The following PTPRO variants were observed in gnomAD, a reference collection of about 807,000 sequenced individuals.
PTPRO encodes the protein receptor-type tyrosine-protein phosphatase O.
PTPRO carries 62 observed loss-of-function variants against 145.2 expected under a neutral mutation model. The observed-to-expected ratio is 0.43, with a 90% CI of 0.35 to 0.53. The LOEUF is 0.53. Among genes scored for constraint, PTPRO ranks in the 20% least tolerant of loss-of-function variants. The pLI, the probability that PTPRO is intolerant of heterozygous loss-of-function variation, is 0.01. For missense variants in PTPRO, 1,345 were observed against 1,482.7 expected (o/e 0.91, Z 1.53); for synonymous variants, 565 against 514.7 (o/e 1.10, Z -1.32).
In PTPRO at chr12:15,410,243, A is replaced by T. The variant is rs148396883; in HGVS notation, c.76-73731A>T. ...TTTTATATGTCAACTTGACTTGGCC[A>T]TGGATGCTCAGATACCTGATTAAAT... On this transcript the variant is annotated intron_variant, in intron 1 of 26. Coordinates refer to ENST00000281171, the MANE Select transcript of PTPRO (RefSeq NM_030667.3). 23 of 152,346 alleles carry T rather than the reference A, an allele frequency of 1.5e-4. No homozygotes were observed. In the East Asian group the frequency reaches 1.9e-3, roughly 13 times the overall value. 9.4% of individuals were successfully genotyped at this position (152,346 alleles called of 1,614,324 possible). A position where few individuals can be genotyped will look rare whatever the true frequency, so the allele number is the denominator to read the frequency against.
At chr12:15,363,743 A>G (rs940224689) in intron 1 of PTPRO, among the ~76,000 whole-genome samples, 1 of 152,164 alleles carries the variant, frequency 6.6e-6, no homozygotes, top group Non-Finnish European at 1.5e-5. Context: ...ATACAACATA[A>G]TATGAATTCG....
At chr12:15,418,136 A>G (rs190593320) in intron 1 of PTPRO, among the ~76,000 whole-genome samples, 377 of 151,886 alleles carry the variant, frequency 2.5e-3, no homozygotes, top group Non-Finnish European at 4.2e-3. Flanking sequence ...TAGCATGTTG[A>G]TTTCTACTCA....
chr12:15,418,114 C>T (rs1303177389), intron 1 of PTPRO, among the ~76,000 whole-genome samples: 1 of 151,726 alleles, frequency 6.6e-6, no homozygotes, highest in Non-Finnish European at 1.5e-5. Context: ...AAAACTTTTT[C>T]AATGAAGGAA....
intron 1 of PTPRO, among the ~76,000 whole-genome samples, chr12:15,449,407 G>T (rs1940990363): frequency 6.6e-6 from 1 of 152,182 alleles, no homozygotes; most frequent in South Asian, 2.1e-4. Context: ...TATTTAGTTT[G>T]CTTTAACAGT....
chr12:15,529,168 G>C (rs756000120), intron 12 of PTPRO, among the ~76,000 whole-genome samples: 5 of 152,114 alleles, frequency 3.3e-5, no homozygotes, highest in Non-Finnish European at 7.4e-5. Context: ...AAGCCCAAAA[G>C]ACAAATCTTT....
chr12:15,446,429 G>A (rs1305072643), intron 1 of PTPRO, among the ~76,000 whole-genome samples: 2 of 152,094 alleles, frequency 1.3e-5, no homozygotes, highest in Non-Finnish European at 2.9e-5. Context: ...ATTTGCTGCA[G>A]CAACTAAAAT....
At chr12:15,395,584 A>G (rs776294330) in intron 1 of PTPRO, among the ~76,000 whole-genome samples, 35 of 151,978 alleles carry the variant, frequency 2.3e-4, no homozygotes, top group Non-Finnish European at 4.6e-4. Context: ...GGCTGTTTTC[A>G]TGTCCTATAT....
At chr12:15,503,312 G>A (rs555563626) in intron 5 of PTPRO, among the ~76,000 whole-genome samples, 1 of 152,244 alleles carries the variant, frequency 6.6e-6, no homozygotes, top group Admixed American at 6.5e-5. Flanking sequence ...ATAAGCAGCA[G>A]AGGATGGATG....
chr12:15,589,458 T>C lies in PTPRO; in HGVS notation c.3414T>C (p.Ala1138=), dbSNP rs377389695. The change falls in exon 25 of 27, where the codon GCT becomes GCC. Residue 1138 remains alanine (A), a synonymous_variant. Transcript: ENST00000281171. ...CCATCGGAACATTCTTTTGCAGTGC[T>C]GGCGTGGGACGGACAGGAACATTCA... ...SKGPMIIHCS[A]GVGRTGTFIA... 9.8e-5 allele frequency: 158 copies of C among 1,613,908 alleles called. No individual in the cohort carries two copies. The highest frequency in any genetic ancestry group is 4.0e-4 in the Admixed American group (24 of 59,974).
intron 1 of PTPRO, among the ~76,000 whole-genome samples, chr12:15,349,513 A>G (rs191566537): frequency 5.3e-5 from 8 of 152,228 alleles, no homozygotes; most frequent in Non-Finnish European, 1.0e-4. Flanking sequence ...TCTGTTTTAT[A>G]ATAGCCCCCA....
chr12:15,547,230 T>C (rs1190376130), intron 13 of PTPRO, among the ~76,000 whole-genome samples: 2 of 152,200 alleles, frequency 1.3e-5, no homozygotes, highest in African/African-American at 4.8e-5. Flanking sequence ...GACAGTCTTA[T>C]TGCAAAATGA....
Position 15,505,893 on chromosome 12 carries a change from G to T in PTPRO, c.1267+1824G>T, listed in dbSNP as rs117113051. 7.4e-3 allele frequency among the ~76,000 whole-genome samples: 1,132 copies of T among 152,292 alleles called. 15 individuals are homozygous for T. Among genetic ancestry groups the T allele is most frequent in the Non-Finnish European group, 8.2e-3 (557 of 68,026 alleles). Reference sequence around the variant, plus strand: ...TTATGTAGCTTTGAATGCCTTCCCAGAGATGAGAATTCAGGTAGGAATTTG... The same window carrying T: ...TTATGTAGCTTTGAATGCCTTCCCATAGATGAGAATTCAGGTAGGAATTTG... On this transcript the variant is annotated intron_variant, in intron 6 of 26. Transcript: ENST00000281171.
intron 1 of PTPRO, among the ~76,000 whole-genome samples, chr12:15,354,256 G>T (rs537591132): frequency 1.4e-4 from 22 of 152,174 alleles, no homozygotes; most frequent in Admixed American, 1.4e-3. Flanking sequence ...TTTCTTTGTG[G>T]CATTGTCCCC....
chr12:15,498,213 A>G (rs1370358260), intron 3 of PTPRO, among the ~76,000 whole-genome samples: 1 of 152,226 alleles, frequency 6.6e-6, no homozygotes, highest in Non-Finnish European at 1.5e-5. Flanking sequence ...CTGCTTTTAC[A>G]CACTCATTTC....
chr12:15,529,523 G>A (rs374909191), intron 12 of PTPRO, among the ~76,000 whole-genome samples: 38 of 151,872 alleles, frequency 2.5e-4, no homozygotes, highest in African/African-American at 9.2e-4. Flanking sequence ...CATGCCTGTG[G>A]TCCCAGCTAC....
At chr12:15,526,483 C>T (rs1448876595) in intron 12 of PTPRO, among the ~76,000 whole-genome samples, 1 of 152,074 alleles carries the variant, frequency 6.6e-6, no homozygotes, top group Non-Finnish European at 1.5e-5. Context: ...GTTCGCTGTT[C>T]TTTGTAAGGT....
chr12:15,423,043 G>A (rs1454141255), intron 1 of PTPRO, among the ~76,000 whole-genome samples: 2 of 152,204 alleles, frequency 1.3e-5, no homozygotes, highest in Admixed American at 6.5e-5. Context: ...TGAGGAGAAA[G>A]TGAGAAAGAG....
intron 23 of PTPRO, among the ~76,000 whole-genome samples, chr12:15,586,458 G>A (rs1357369854): frequency 1.3e-5 from 2 of 152,208 alleles, no homozygotes; most frequent in Non-Finnish European, 2.9e-5. Context: ...TATCGAGGCA[G>A]CTCTGTGCAG....
At chr12:15,418,928 A>G (rs1565618449) in intron 1 of PTPRO, among the ~76,000 whole-genome samples, 1 of 151,902 alleles carries the variant, frequency 6.6e-6, no homozygotes, top group East Asian at 1.9e-4. Flanking sequence ...AAACATTTAA[A>G]TAAAAGTAGA....
Sources: allele counts gnomAD v4.1 joint callset (sites outside exome capture counted in the v4.1 genomes callset), GRCh38; gene constraint gnomAD v4.1.1; transcripts MANE v1.5; gene names NCBI Gene and HGNC (gene_info 2026-07-23, HGNC 2026-07-21).